Variants in RIC1 observed in about 807,000 individuals in gnomAD.
The protein encoded by RIC1 is guanine nucleotide exchange factor subunit RIC1.
RIC1 carries 88 observed loss-of-function variants against 169.0 expected under a neutral mutation model. The ratio of observed to expected loss-of-function variants is 0.52; its 90% CI spans 0.44 to 0.62. RIC1 has a LOEUF of 0.62. Ranked by LOEUF, RIC1 falls within the 20% of genes least tolerant of loss-of-function variation. The pLI, the probability that RIC1 is intolerant of heterozygous loss-of-function variation, is 0.00. For synonymous variants in RIC1, 790 were observed against 601.5 expected, an observed-to-expected ratio of 1.31 and a Z score of -4.59; for missense variants, 1,877 against 1,725.5, an observed-to-expected ratio of 1.09 and a Z score of -1.56.
chr9:5,769,980 C>A, intron 22 of RIC1, 107 bp from the exon 23 acceptor site: 1 of 971,278 alleles, frequency 1.0e-6, no homozygotes. Context: ...TTGAACTGTT[C>A]TTATTGGGTA....
intron 1 of RIC1, among the ~76,000 whole-genome samples, chr9:5,632,799 AATT>A (rs1396289574): frequency 6.6e-6 from 1 of 152,170 alleles, no homozygotes; most frequent in Admixed American, 6.5e-5. Flanking sequence ...GAGGGCCCAG[AATT>A]ATTCCTTTAA....
In RIC1 at chr9:5,753,657, T is replaced by C. The variant is rs771668853; in HGVS notation, c.1602+11T>C. ...GGAAACATTACCCAGGTTAGTCTTT[T>C]TTGAGATTAAAAACCTATTTCTCAA... On this transcript the variant is annotated intron_variant, in intron 14 of 25. Transcript: ENST00000414202. The C allele has an allele frequency of 1.6e-5, 22 of 1,390,620 alleles. No homozygotes were observed. In the South Asian group the frequency reaches 2.7e-4, roughly 17 times the overall value. 86.1% of individuals were successfully genotyped at this position (1,390,620 alleles called of 1,614,324 possible). A position where few individuals can be genotyped will look rare whatever the true frequency, so the allele number is the denominator to read the frequency against.
chr9:5,722,348 AGTGTGTGTGTGT>A (rs1554673860), intron 6 of RIC1, among the ~76,000 whole-genome samples: 1,354 of 131,336 alleles, frequency 0.01, 23 homozygotes, highest in African/African-American at 0.037. Flanking sequence ...AGAGAGAGAG[AGTGTGTGTGTGT>A]GTGTGTGTGT....
intron 6 of RIC1, among the ~76,000 whole-genome samples, chr9:5,721,991 C>T (rs1184226337): frequency 2.0e-5 from 3 of 151,558 alleles, no homozygotes; most frequent in East Asian, 1.9e-4. Context: ...CGGGTTCAAG[C>T]GATTCTCCTG....
chr9:5,629,590 G>C (rs959641196), intron 1 of RIC1, 137 bp downstream of exon 1: 3 of 1,015,516 alleles, frequency 3.0e-6, no homozygotes, highest in South Asian at 2.1e-5. Context: ...CCGCGTCCTC[G>C]TTCCACCGAA....
intron 1 of RIC1, among the ~76,000 whole-genome samples, chr9:5,647,936 G>GGGTGGTGGTGGTGGTGGT (rs77165192): frequency 8.2e-6 from 1 of 121,240 alleles, no homozygotes; most frequent in Non-Finnish European, 1.7e-5. Context: ...GTGTGGGGGT[G>GGGTGGTGGTGGTGGTGGT]GGTGGTGGTG....
At chr9:5,753,708 T>C in intron 14 of RIC1, 62 bp downstream of exon 14, 1 of 794,662 alleles carries the variant, frequency 1.3e-6, no homozygotes, top group African/African-American at 1.7e-5. Flanking sequence ...CAATATGAAA[T>C]AGCTATAAAG....
intron 1 of RIC1, among the ~76,000 whole-genome samples, chr9:5,641,507 CTTTCTACTCCGGTCTCTT>C (rs1818245362): frequency 6.6e-6 from 1 of 152,118 alleles, no homozygotes; most frequent in Non-Finnish European, 1.5e-5. Context: ...TTTGAATGAA[CTTTCTACTCCGGTCTCTT>C]TCTCTACTTC....
At chr9:5,630,121 G>T (rs1817648847) in intron 1 of RIC1, among the ~76,000 whole-genome samples, 1 of 152,164 alleles carries the variant, frequency 6.6e-6, no homozygotes, top group African/African-American at 2.4e-5. Context: ...GGAACTCCCA[G>T]TTATAACACC....
Position 5,655,023 on chromosome 9 carries a change from A to G in RIC1, c.145-1560A>G, listed in dbSNP as rs908828757. On this transcript the variant is annotated intron_variant, in intron 1 of 25. Coordinates refer to ENST00000414202, the MANE Select transcript of RIC1 (RefSeq NM_020829.4). ...TTCTACATAGATGATCACATTATCTATGAGTAAAGACAGTTTTATTTATTC... is the reference window on the plus strand; with the variant it reads ...TTCTACATAGATGATCACATTATCTGTGAGTAAAGACAGTTTTATTTATTC... Among the ~76,000 whole-genome samples, 6 of 152,302 alleles carry G rather than the reference A, an allele frequency of 3.9e-5. No homozygotes were observed. The East Asian group carries it at 7.7e-4, about 20-fold the overall frequency.
chr9:5,757,208 C>T (rs1826063184), intron 16 of RIC1, 105 bp from the exon 17 acceptor site: 2 of 1,307,332 alleles, frequency 1.5e-6, no homozygotes, highest in South Asian at 1.3e-5. Context: ...AGTAAGACAT[C>T]TGAGTCTTCC....
At chr9:5,671,494 TCTAACTC>T (rs139082072) in intron 2 of RIC1, among the ~76,000 whole-genome samples, 4,195 of 152,272 alleles carry the variant, frequency 0.028, 193 homozygotes, top group African/African-American at 0.095. Context: ...CAGGCTGGTC[TCTAACTC>T]CTGACCTCAG....
At chr9:5,640,105 T>A (rs577572636) in intron 1 of RIC1, among the ~76,000 whole-genome samples, 1 of 152,308 alleles carries the variant, frequency 6.6e-6, no homozygotes, top group Admixed American at 6.5e-5. Flanking sequence ...TCTGCCATTT[T>A]GATATATATT....
intron 2 of RIC1, among the ~76,000 whole-genome samples, chr9:5,680,050 AG>A (rs1820719840): frequency 6.6e-6 from 1 of 152,174 alleles, no homozygotes; most frequent in African/African-American, 2.4e-5. Context: ...TTTAGCATGA[AG>A]GGTTGTTGAA....
At chr9:5,636,977 C>T (rs148858834) in intron 1 of RIC1, among the ~76,000 whole-genome samples, 152 of 152,178 alleles carry the variant, frequency 1.0e-3, no homozygotes, top group African/African-American at 3.5e-3. Context: ...ATTTGTCATA[C>T]GTGTGGCACA....
rs769053124 is a variant in RIC1 at position 5,743,688 on chromosome 9, G to C, written c.1047-1G>C. On this transcript the variant is annotated splice_acceptor_variant, in intron 9 of 25. Transcript: ENST00000414202. LOFTEE classifies it high-confidence loss of function. ...TATATTTAGTTTCTGTTCTGTTTCAGTTATAGGTCTGATGGCACCAAAAAA... is the reference window on the plus strand; with the variant it reads ...TATATTTAGTTTCTGTTCTGTTTCACTTATAGGTCTGATGGCACCAAAAAA... The C allele has an allele frequency of 6.2e-7, 1 of 1,603,912 alleles. No homozygotes were observed. The highest frequency in any genetic ancestry group is 8.5e-7 in the Non-Finnish European group (1 of 1,172,144).
chr9:5,683,777 G>C (rs1821011779), intron 2 of RIC1, among the ~76,000 whole-genome samples: 2 of 152,232 alleles, frequency 1.3e-5, no homozygotes, highest in African/African-American at 4.8e-5. Context: ...GCCTCCTTGA[G>C]CTGTGGTGGG....
intron 1 of RIC1, among the ~76,000 whole-genome samples, chr9:5,648,311 T>C (rs1404507062): frequency 6.6e-6 from 1 of 152,166 alleles, no homozygotes; most frequent in Non-Finnish European, 1.5e-5. Context: ...ATATGGCCTT[T>C]TTATTATCTT....
chr9:5,677,904 G>T (rs1038480398), intron 2 of RIC1, among the ~76,000 whole-genome samples: 6 of 151,478 alleles, frequency 4.0e-5, no homozygotes, highest in Non-Finnish European at 8.8e-5. Context: ...CAATGTGTAG[G>T]TTTGTTACAT....
Sources: allele counts gnomAD v4.1 joint callset (sites outside exome capture counted in the v4.1 genomes callset), GRCh38; gene constraint gnomAD v4.1.1; transcripts MANE v1.5; gene names NCBI Gene and HGNC (gene_info 2026-07-23, HGNC 2026-07-21).